APMAP: variants seen among roughly 807,000 people sequenced by gnomAD.
APMAP encodes adipocyte plasma membrane associated protein, also known as adipocyte plasma membrane-associated protein.
Under a neutral mutation model 43.6 loss-of-function variants are expected in APMAP, and 33 were observed. The observed-to-expected ratio is 0.76, with a 90% CI of 0.57 to 1.01. The LOEUF is 1.01. APMAP is among the 50% of genes least tolerant of loss of function. The probability of loss-of-function intolerance (pLI) is 0.00; values close to 1 mark genes in which losing one functional copy is unlikely to be tolerated. For missense variants in APMAP, 498 were observed against 540.7 expected (o/e 0.92, Z 0.78); for synonymous variants, 224 against 216.7 (o/e 1.03, Z -0.30).
chr20:24,981,083 C>T (rs1208355394), intron 2 of APMAP, among the ~76,000 whole-genome samples: 2 of 152,224 alleles, frequency 1.3e-5, no homozygotes, highest in Admixed American at 6.5e-5. Context: ...GAAGGATGGT[C>T]GCTCTTCCAG....
In APMAP at chr20:24,989,575, G is replaced by T. The variant is rs142084844; in HGVS notation, c.95+3019C>A. ...AAACCTGATAGCCCCAAATCCATGGGGTACCAGCAACCTCATGTGTCAAGG... is the reference window on the plus strand; with the variant it reads ...AAACCTGATAGCCCCAAATCCATGGTGTACCAGCAACCTCATGTGTCAAGG... On this transcript the variant is annotated intron_variant, in intron 1 of 8. Transcript: ENST00000217456. 5.4e-3 allele frequency among the ~76,000 whole-genome samples: 820 copies of T among 152,190 alleles called. 6 individuals carry two copies. Among genetic ancestry groups the T allele is most frequent in the African/African-American group, 0.018 (765 of 41,506 alleles).
chr20:24,971,687 C>G (rs1382844888), intron 4 of APMAP, 111 bp from the exon 5 acceptor site: 19 of 888,150 alleles, frequency 2.1e-5, no homozygotes, highest in South Asian at 3.0e-5. Flanking sequence ...CTGTACAGAA[C>G]AAGACAAGAC....
chr20:24,983,047 A>C (rs532652351), intron 2 of APMAP, among the ~76,000 whole-genome samples: 1 of 152,198 alleles, frequency 6.6e-6, no homozygotes, highest in Non-Finnish European at 1.5e-5. Context: ...TTACTATTCT[A>C]AATCCAACAA....
chr20:24,988,306 G>A (rs2088164867), intron 1 of APMAP, among the ~76,000 whole-genome samples: 1 of 152,114 alleles, frequency 6.6e-6, no homozygotes, highest in African/African-American at 2.4e-5. Flanking sequence ...TTACCACACT[G>A]CAGCTTATAT....
Position 24,978,748 on chromosome 20 carries a change from C to T in APMAP, c.328+19G>A, listed in dbSNP as rs8124876. The stretch of plus-strand genomic sequence containing the variant: ...CAGACAGCCTGGAAGGCTCCCCCCC[C>T]ACCCAAGCTTAGACTTACCCCCAAT... On this transcript the variant is annotated intron_variant, in intron 3 of 8. Transcript: ENST00000217456. 5,307 of 1,325,792 alleles carry T rather than the reference C, an allele frequency of 4.0e-3. 168 individuals carry two copies. The African/African-American group carries it at 0.082, about 20-fold the overall frequency. 82.1% of individuals were successfully genotyped at this position (1,325,792 alleles called of 1,614,324 possible). A position where few individuals can be genotyped will look rare whatever the true frequency, so the allele number is the denominator to read the frequency against.
At chr20:24,973,937 G>A (rs2088028211) in intron 3 of APMAP, among the ~76,000 whole-genome samples, 200 bp from the exon 4 acceptor site, 1 of 152,196 alleles carries the variant, frequency 6.6e-6, no homozygotes, top group Non-Finnish European at 1.5e-5. Context: ...GGGGGCCTAG[G>A]GAAGCAGCCT....
chr20:24,969,165 C>A (rs1330323413), intron 7 of APMAP, 81 bp from the exon 8 acceptor site: 3 of 1,346,034 alleles, frequency 2.2e-6, no homozygotes, highest in African/African-American at 3.0e-5. Flanking sequence ...CCAAACTGGT[C>A]TTGGTCCAAA....
At chr20:24,971,985 G>A (rs190280629) in intron 4 of APMAP, among the ~76,000 whole-genome samples, 302 of 148,398 alleles carry the variant, frequency 2.0e-3, no homozygotes, top group Admixed American at 3.3e-3. Flanking sequence ...GCTTACTGCA[G>A]GGTGTTCACT....
chr20:24,968,933 A>C lies in APMAP; in HGVS notation c.1000T>G (p.Phe334Val), dbSNP rs1055871290. ...TTAATCCAGGGTCTCTCAGATAAGA[A>C]ATCCAGCATGGAAAACCCAGGGTTA... is the stretch of plus-strand genomic sequence containing the variant. ...RPNPGFSMLD[F>V]LSERPWIKRM... Residue 334 changes from phenylalanine (F) to valine (V), a missense_variant, in exon 8 of 9, where the codon TTC becomes GTC. By Grantham distance (50) the Phe-to-Val change is conservative. Coordinates refer to ENST00000217456, the MANE Select transcript of APMAP (RefSeq NM_020531.3). 1 of 1,610,582 alleles carries C rather than the reference A, an allele frequency of 6.2e-7. No individual in the cohort carries two copies. The highest frequency in any genetic ancestry group is 1.3e-5 in the African/African-American group (1 of 74,732).
chr20:24,978,740 T>TC lies in APMAP; in HGVS notation c.328+26dup, dbSNP rs199561112. 1.6e-4 allele frequency: 165 copies of TC among 1,014,378 alleles called. 2 individuals carry two copies. Among genetic ancestry groups the TC allele is most frequent in the Middle Eastern group, 9.3e-4 (3 of 3,212 alleles). The allele number at this position is 1,014,378 out of a possible 1,614,324, so 62.8% of individuals were successfully genotyped here. A position where few individuals can be genotyped will look rare whatever the true frequency, so the allele number is the denominator to read the frequency against. ...TCAGACAACAGACAGCCTGGAAGGC[T>TC]CCCCCCCCACCCAAGCTTAGACTTA... On this transcript the variant is annotated intron_variant, in intron 3 of 8. Transcript: ENST00000217456.
chr20:24,971,395 C>A, intron 5 of APMAP, 65 bp downstream of exon 5: 1 of 1,370,658 alleles, frequency 7.3e-7, no homozygotes, highest in South Asian at 1.2e-5. Context: ...ATTAAGTCTA[C>A]ACATACATAT....
rs1182362924 is a variant in APMAP, at chr20:24,969,089, A to G, written c.849-5T>C. 1.3e-6 allele frequency: 2 copies of G among 1,576,848 alleles called. No homozygotes were observed. Among genetic ancestry groups the G allele is most frequent in the East Asian group, 2.3e-5 (1 of 44,190 alleles). The stretch of plus-strand genomic sequence containing the variant: ...ATCAGGCCAGAAACGTAGACTCTGA[A>G]AAATTCACCCAAGCAGAGAGTGAAC... On this transcript the variant is annotated splice_region_variant and splice_polypyrimidine_tract_variant and intron_variant, in intron 7 of 8. Coordinates refer to ENST00000217456, the MANE Select transcript of APMAP (RefSeq NM_020531.3).
chr20:24,991,236 C>G (rs556267781), intron 1 of APMAP, among the ~76,000 whole-genome samples: 1 of 152,304 alleles, frequency 6.6e-6, no homozygotes, highest in Admixed American at 6.5e-5. Flanking sequence ...GCCTTGTTTT[C>G]AAGATTTCTG....
chr20:24,973,145 T>C (rs917867772), intron 4 of APMAP, among the ~76,000 whole-genome samples: 8 of 152,330 alleles, frequency 5.3e-5, no homozygotes, highest in Admixed American at 1.3e-4. Flanking sequence ...ATGATAACTA[T>C]TAAGTCTATA....
Position 24,962,996 on chromosome 20 carries a change from G to A in APMAP, c.*817C>T, listed in dbSNP as rs572445939. On this transcript the variant is annotated 3_prime_UTR_variant, in exon 9 of 9. Coordinates refer to ENST00000217456, the MANE Select transcript of APMAP (RefSeq NM_020531.3). ...TCATGACCAGTGTGTAGACATACTTGTGAAAATATACAGCAACTTGGGGCT... is the reference window on the plus strand; with the variant it reads ...TCATGACCAGTGTGTAGACATACTTATGAAAATATACAGCAACTTGGGGCT... The A allele has an allele frequency of 6.6e-6, 1 of 152,330 alleles. No individual in the cohort carries two copies. Among genetic ancestry groups the A allele is most frequent in the South Asian group, 2.1e-4 (1 of 4,820 alleles). 9.4% of individuals were successfully genotyped at this position (152,330 alleles called of 1,614,324 possible). A position where few individuals can be genotyped will look rare whatever the true frequency, so the allele number is the denominator to read the frequency against.
chr20:24,970,068 G>A (rs1161459270), intron 6 of APMAP, 129 bp downstream of exon 6: 1 of 1,177,174 alleles, frequency 8.5e-7, no homozygotes, highest in East Asian at 2.4e-5. Context: ...AAGCCACTAA[G>A]GTCCTGTCCT....
rs574493414 is a variant in APMAP, at chr20:24,964,521, G to A, written c.1042-499C>T. 1.8e-3 allele frequency: 820 copies of A among 461,754 alleles called. 1 individual carries two copies. Among genetic ancestry groups the A allele is most frequent in the Non-Finnish European group, 2.5e-3 (554 of 224,500 alleles). The allele number at this position is 461,754 out of a possible 1,614,324, so 28.6% of individuals were successfully genotyped here. ...AGCAGGTCCACAGACCACACAACAT[G>A]GCTTCCAAAACAAAAAGCAAAATCC... On this transcript the variant is annotated intron_variant, in intron 8 of 8. Transcript: ENST00000217456.
intron 1 of APMAP, among the ~76,000 whole-genome samples, chr20:24,987,120 G>T (rs986555570): frequency 2.0e-5 from 3 of 152,036 alleles, no homozygotes; most frequent in Non-Finnish European, 2.9e-5. Context: ...CACTCATCTG[G>T]TTTTTTGTTT....
intron 1 of APMAP, among the ~76,000 whole-genome samples, chr20:24,988,951 A>G (rs1411359437): frequency 6.6e-6 from 1 of 152,212 alleles, no homozygotes; most frequent in Non-Finnish European, 1.5e-5. Flanking sequence ...TATATAAATG[A>G]GGTAAGCACA....
Sources: gnomAD v4.1 joint callset for allele counts (sites outside exome capture counted in the v4.1 genomes callset) on GRCh38, gnomAD v4.1.1 for gene constraint, MANE v1.5 for transcripts, NCBI Gene and HGNC (gene_info 2026-07-23, HGNC 2026-07-21) for gene names.